SLC9A2: variants seen among roughly 807,000 people sequenced by gnomAD.
The protein encoded by SLC9A2 is solute carrier family 9 member A2.
Under a neutral mutation model 71.7 loss-of-function variants are expected in SLC9A2, and 42 were observed. The ratio of observed to expected loss-of-function variants is 0.59; its 90% CI spans 0.46 to 0.76. The LOEUF (loss-of-function observed/expected upper bound fraction) is 0.76. SLC9A2 is among the 30% of genes least tolerant of loss of function. The probability of loss-of-function intolerance (pLI) is 0.00; values close to 1 mark genes in which losing one functional copy is unlikely to be tolerated. For missense variants in SLC9A2, 829 were observed against 1,017.4 expected (o/e 0.81, Z 2.52); for synonymous variants, 396 against 392.5 (o/e 1.01, Z -0.10).
chr2:102,642,518 A>C (rs1273754411), intron 1 of SLC9A2, among the ~76,000 whole-genome samples: 1 of 152,170 alleles, frequency 6.6e-6, no homozygotes, highest in South Asian at 2.1e-4. Context: ...CCCTGGAATA[A>C]ACTTCACTTG....
intron 3 of SLC9A2, among the ~76,000 whole-genome samples, chr2:102,677,981 G>T (rs1677373234): frequency 7.5e-6 from 1 of 133,244 alleles, no homozygotes; most frequent in South Asian, 2.5e-4. Context: ...CTTTGCATAT[G>T]GCTGCTGCTT....
chr2:102,658,446 G>A (rs1417969336), intron 2 of SLC9A2, among the ~76,000 whole-genome samples: 4 of 151,990 alleles, frequency 2.6e-5, no homozygotes, highest in Non-Finnish European at 5.9e-5. Context: ...TTTGTGAGAA[G>A]TAATACTGTC....
intron 1 of SLC9A2, among the ~76,000 whole-genome samples, chr2:102,640,112 C>A (rs2104507377): frequency 6.6e-6 from 1 of 152,352 alleles, no homozygotes; most frequent in Admixed American, 6.5e-5. Context: ...ATTTTCACTG[C>A]ATCTGTCTCC....
At chr2:102,631,526 G>C (rs937073449) in intron 1 of SLC9A2, among the ~76,000 whole-genome samples, 6 of 151,674 alleles carry the variant, frequency 4.0e-5, no homozygotes, top group African/African-American at 1.5e-4. Flanking sequence ...CTTATTTTTT[G>C]CCTCCTAGAC....
chr2:102,666,624 C>T (rs918765038), intron 3 of SLC9A2, among the ~76,000 whole-genome samples: 5 of 152,144 alleles, frequency 3.3e-5, no homozygotes, highest in Non-Finnish European at 7.3e-5. Context: ...AGAAGTTAGA[C>T]AAGTAGGCTG....
At chr2:102,656,055 G>T (rs1042501495) in intron 1 of SLC9A2, among the ~76,000 whole-genome samples, 1 of 152,230 alleles carries the variant, frequency 6.6e-6, no homozygotes, top group East Asian at 1.9e-4. Context: ...TTAGAGGGGG[G>T]ACAGCCAAAG....
rs1259483647 is a variant in SLC9A2 at position 102,694,404 on chromosome 2, T to G, written c.1426-10T>G. On this transcript the variant is annotated splice_polypyrimidine_tract_variant and intron_variant, in intron 5 of 11. Coordinates refer to ENST00000233969, the MANE Select transcript of SLC9A2 (RefSeq NM_003048.6). ...ATATATGAAATGCTTAAATTGTGTTTCCTGTTCAGGGAATAACTATTCGAC... is the reference window on the plus strand; with the variant it reads ...ATATATGAAATGCTTAAATTGTGTTGCCTGTTCAGGGAATAACTATTCGAC... The G allele has an allele frequency of 6.8e-6, 9 of 1,314,702 alleles. No individual in the cohort carries two copies. Among genetic ancestry groups the G allele is most frequent in the Non-Finnish European group, 9.3e-6 (9 of 971,656 alleles). The allele number at this position is 1,314,702 out of a possible 1,614,324, so 81.4% of individuals were successfully genotyped here.
intron 1 of SLC9A2, among the ~76,000 whole-genome samples, chr2:102,652,904 C>A (rs1038894431): frequency 2.9e-4 from 44 of 152,138 alleles, no homozygotes; most frequent in African/African-American, 1.0e-3. Context: ...TATTCAAGTT[C>A]ATTTCTTCTT....
chr2:102,707,050 C>A (rs1322113423), intron 11 of SLC9A2, among the ~76,000 whole-genome samples: 2 of 152,002 alleles, frequency 1.3e-5, no homozygotes, highest in African/African-American at 4.8e-5. Flanking sequence ...ACATTAGATA[C>A]ACAGGACACA....
At chr2:102,658,362 T>G (rs1239321136) in intron 2 of SLC9A2, among the ~76,000 whole-genome samples, 1 of 152,058 alleles carries the variant, frequency 6.6e-6, no homozygotes, top group African/African-American at 2.4e-5. Flanking sequence ...GCAACTCTGA[T>G]GATTTATCAT....
intron 1 of SLC9A2, among the ~76,000 whole-genome samples, chr2:102,652,590 A>G (rs1169672826): frequency 2.6e-5 from 4 of 152,064 alleles, no homozygotes. Flanking sequence ...TTTTAATAGC[A>G]TTTATCACTT....
intron 11 of SLC9A2, among the ~76,000 whole-genome samples, chr2:102,706,486 C>A (rs1250986654): frequency 6.6e-6 from 1 of 152,040 alleles, no homozygotes; most frequent in African/African-American, 2.4e-5. Context: ...ATGGCGAGTT[C>A]ATGGGTGCAG....
chr2:102,656,731 A>G (rs1355263654), intron 1 of SLC9A2, among the ~76,000 whole-genome samples: 3 of 152,218 alleles, frequency 2.0e-5, no homozygotes, highest in Non-Finnish European at 4.4e-5. Context: ...GTAGTAATCT[A>G]AAAATGGGCT....
At position 102,657,916 on chromosome 2, in the gene SLC9A2, C is replaced by T. The variant is rs1229112586; in HGVS notation, c.642C>T (p.Ile214=). The change falls in exon 2 of 12, where the codon ATC becomes ATT. Residue 214 remains isoleucine (I), a synonymous_variant. Coordinates refer to ENST00000233969, the MANE Select transcript of SLC9A2 (RefSeq NM_003048.6). ...AGAACCTGCTCTTTGGCAGCTTAAT[C>T]TCAGCTGTCGATCCTGTGGCTGTGC... ...LLQNLLFGSL[I]SAVDPVAVLA... is the part of the protein sequence containing the mutation. 5 of 1,614,096 alleles carry T rather than the reference C, an allele frequency of 3.1e-6. No individual in the cohort carries two copies. Among genetic ancestry groups the T allele is most frequent in the African/African-American group, 2.7e-5 (2 of 74,950 alleles).
chr2:102,700,370 A>T (rs564792980), intron 7 of SLC9A2, among the ~76,000 whole-genome samples: 14 of 152,284 alleles, frequency 9.2e-5, no homozygotes, highest in African/African-American at 3.4e-4. Context: ...ATGAAAGAGG[A>T]TTAAGAACCG....
chr2:102,634,394 T>G (rs1676428839), intron 1 of SLC9A2, among the ~76,000 whole-genome samples: 2 of 152,224 alleles, frequency 1.3e-5, no homozygotes, highest in South Asian at 4.1e-4. Flanking sequence ...TTCTCTGACC[T>G]CTGTTATTTC....
chr2:102,640,253 G>A (rs1676549553), intron 1 of SLC9A2, among the ~76,000 whole-genome samples: 1 of 152,184 alleles, frequency 6.6e-6, no homozygotes. Flanking sequence ...CACACAAAAT[G>A]TGTTGGTTTT....
intron 3 of SLC9A2, among the ~76,000 whole-genome samples, chr2:102,668,239 C>T (rs1677181122): frequency 1.3e-5 from 2 of 152,164 alleles, no homozygotes; most frequent in African/African-American, 4.8e-5. Context: ...TACACATTCA[C>T]ATTGGGGTAT....
At chr2:102,654,260 C>T (rs1381690576) in intron 1 of SLC9A2, among the ~76,000 whole-genome samples, 1 of 136,258 alleles carries the variant, frequency 7.3e-6, no homozygotes, top group Admixed American at 8.1e-5. Context: ...CACACACTAG[C>T]AGGTGCACAT....
Sources: gnomAD v4.1 joint callset for allele counts (sites outside exome capture counted in the v4.1 genomes callset) on GRCh38, gnomAD v4.1.1 for gene constraint, MANE v1.5 for transcripts, NCBI Gene and HGNC (gene_info 2026-07-23, HGNC 2026-07-21) for gene names.